Variants in CEP104 observed in about 807,000 individuals in gnomAD.
CEP104 encodes centrosomal protein 104, also known as centrosomal protein of 104 kDa.
A neutral mutation model predicts 113.3 loss-of-function variants in CEP104; 84 were observed. The observed-to-expected ratio is 0.74, with a 90% CI of 0.62 to 0.89. The LOEUF (loss-of-function observed/expected upper bound fraction) is 0.89, where lower values mean the gene tolerates loss of function less well. Among genes scored for constraint, CEP104 ranks in the 40% least tolerant of loss-of-function variants. The pLI is 0.00. For synonymous variants in CEP104, 378 were observed against 421.7 expected (o/e 0.90, Z 1.27); for missense variants, 1,053 against 1,156.6 (o/e 0.91, Z 1.30).
intron 15 of CEP104, 88 bp from the exon 16 acceptor site, chr1:3,826,832 G>A (rs1455559904): frequency 7.4e-7 from 1 of 1,352,146 alleles, no homozygotes; most frequent in Non-Finnish European, 1.1e-6. Flanking sequence ...CATCACGAAA[G>A]CACATTTCTG....
intron 13 of CEP104, among the ~76,000 whole-genome samples, chr1:3,830,771 C>T (rs1487376720): frequency 1.4e-5 from 1 of 72,888 alleles, no homozygotes; most frequent in Non-Finnish European, 2.9e-5. Context: ...AACGAGACTC[C>T]ATCTCAAAAA....
At chr1:3,837,981 T>C (rs1330393207) in intron 8 of CEP104, among the ~76,000 whole-genome samples, 1 of 152,360 alleles carries the variant, frequency 6.6e-6, no homozygotes, top group East Asian at 1.9e-4. Flanking sequence ...TGCTGCACAC[T>C]AGGCATGGTA....
At chr1:3,842,369 C>T (rs1432160687) in intron 6 of CEP104, among the ~76,000 whole-genome samples, 2 of 152,214 alleles carry the variant, frequency 1.3e-5, no homozygotes, top group East Asian at 1.9e-4. Flanking sequence ...CGTGAGCCAC[C>T]GCGCCCGGCC....
intron 17 of CEP104, 76 bp from the exon 18 acceptor site, chr1:3,825,942 G>A: frequency 1.0e-6 from 1 of 997,068 alleles, no homozygotes; most frequent in Non-Finnish European, 1.6e-6. Context: ...CACGTCACGA[G>A]GAAATTCTGA....
intron 18 of CEP104, among the ~76,000 whole-genome samples, chr1:3,825,098 G>GGAGGCAGTGGCACTGTGGGAA (rs1644064036): frequency 1.9e-5 from 1 of 52,628 alleles, no homozygotes; most frequent in Admixed American, 1.5e-4. Flanking sequence ...ACTGTGGGAA[G>GGAGGCAGTGGCACTGTGGGAA]GGGGGCAGTG....
intron 6 of CEP104, among the ~76,000 whole-genome samples, chr1:3,842,893 T>C (rs943674948): frequency 3.9e-5 from 6 of 152,054 alleles, no homozygotes; most frequent in South Asian, 2.1e-4. Context: ...GTTCAAGGGA[T>C]TCTCCTGCCT....
In CEP104 at chr1:3,816,321, C is replaced by A; in HGVS notation, c.2621G>T (p.Arg874Leu). ...MGPAGCTMNL[R>L]KTHILQKAPA... Reference sequence around the variant, plus strand: ...GGCCTTCTGCAGAATGTGTGTCTTGCGCAGGTTCATCGTGCAGCCGGCTGG... The same window carrying A: ...GGCCTTCTGCAGAATGTGTGTCTTGAGCAGGTTCATCGTGCAGCCGGCTGG... Residue 874 changes from arginine (R) to leucine (L), a missense_variant, in exon 21 of 22, where the codon CGC (arginine) becomes CTC (leucine). Coordinates refer to ENST00000378230, the MANE Select transcript of CEP104 (RefSeq NM_014704.4). 2 of 1,553,668 alleles carry A rather than the reference C, an allele frequency of 1.3e-6. No individual in the cohort carries two copies. The highest frequency in any genetic ancestry group is 1.7e-6 in the Non-Finnish European group (2 of 1,148,056).
chr1:3,855,251 A>C (rs1644692778), intron 1 of CEP104, among the ~76,000 whole-genome samples: 1 of 147,338 alleles, frequency 6.8e-6, no homozygotes, highest in South Asian at 2.1e-4. Context: ...GCGTGATCAT[A>C]GCTCACTGTA....
At position 3,819,711 on chromosome 1, in the gene CEP104, A is replaced by C. The variant is rs1038296175; in HGVS notation, c.2572-3341T>G. ...AGAAGATTGAGCAGTCTTCACACTCACGAGCCTGCAGGCAGGAGAGAAGGG... is the reference window on the plus strand; with the variant it reads ...AGAAGATTGAGCAGTCTTCACACTCCCGAGCCTGCAGGCAGGAGAGAAGGG... On this transcript the variant is annotated intron_variant, in intron 20 of 21. Transcript: ENST00000378230. The surrounding 1 kb of genome is among the most constrained non-coding windows in gnomAD (Gnocchi z 4.6). Among the ~76,000 whole-genome samples the C allele has an allele frequency of 6.6e-6, 1 of 152,210 alleles. No homozygotes were observed. Among genetic ancestry groups the C allele is most frequent in the African/African-American group, 2.4e-5 (1 of 41,452 alleles).
intron 10 of CEP104, among the ~76,000 whole-genome samples, chr1:3,835,713 A>G (rs374073437): frequency 6.6e-6 from 1 of 152,188 alleles, no homozygotes; most frequent in Non-Finnish European, 1.5e-5. Flanking sequence ...ATCTTTTGCT[A>G]TGCCATCCTT....
rs190726122 is a variant in CEP104 at position 3,832,835 on chromosome 1, C to A, written c.1659+1027G>T. Among the ~76,000 whole-genome samples the A allele has an allele frequency of 6.6e-4, 101 of 152,218 alleles. 2 individuals carry two copies. Among genetic ancestry groups the A allele is most frequent in the African/African-American group, 2.0e-3 (83 of 41,538 alleles). ...AGCTGGGACTACAGGGGTGTATCAGCATGCCCGGCTAATTTTTGTATTTTT... is the reference window on the plus strand; with the variant it reads ...AGCTGGGACTACAGGGGTGTATCAGAATGCCCGGCTAATTTTTGTATTTTT... On this transcript the variant is annotated intron_variant, in intron 12 of 21. Transcript: ENST00000378230.
intron 20 of CEP104, among the ~76,000 whole-genome samples, chr1:3,816,776 C>T (rs1292194328): frequency 3.3e-5 from 5 of 152,274 alleles, no homozygotes; most frequent in East Asian, 1.9e-4. Flanking sequence ...CTGCTGCCCA[C>T]GGTTCCTCGT....
At chr1:3,839,463 C>T (rs943881435) in intron 7 of CEP104, 145 bp downstream of exon 7, 47 of 762,610 alleles carry the variant, frequency 6.2e-5, no homozygotes, top group Non-Finnish European at 8.5e-5. Context: ...TATCTGTCTC[C>T]GTAACTTTAT....
In CEP104 at chr1:3,812,425, T is replaced by C. The variant is rs1227776864; in HGVS notation, c.*2977A>G. The C allele has an allele frequency of 6.6e-6, 1 of 152,236 alleles. No homozygotes were observed. Among genetic ancestry groups the C allele is most frequent in the Non-Finnish European group, 1.5e-5 (1 of 68,050 alleles). 9.4% of individuals were successfully genotyped at this position (152,236 alleles called of 1,614,324 possible). A position where few individuals can be genotyped will look rare whatever the true frequency, so the allele number is the denominator to read the frequency against. ...CCTAATTTAGATATTTATTTATGAATGACCAAGGGATTTTACAGTTCCTTT... is the reference window on the plus strand; with the variant it reads ...CCTAATTTAGATATTTATTTATGAACGACCAAGGGATTTTACAGTTCCTTT... On this transcript the variant is annotated 3_prime_UTR_variant, in exon 22 of 22. Coordinates refer to ENST00000378230, the MANE Select transcript of CEP104 (RefSeq NM_014704.4).
Position 3,823,927 on chromosome 1 carries a change from C to T in CEP104, c.2365-365G>A, listed in dbSNP as rs1244594564. On this transcript the variant is annotated intron_variant, in intron 18 of 21. Transcript: ENST00000378230. The surrounding 1 kb of genome is among the most constrained non-coding windows in gnomAD (Gnocchi z 4.1). ...GCTCCCCACTATTTCTAAGAATGCA[C>T]ACAGAAACAGGACCACAGAAAAGAA... Among the ~76,000 whole-genome samples, 1 of 152,198 alleles carries T rather than the reference C, an allele frequency of 6.6e-6. No homozygotes were observed. Among genetic ancestry groups the T allele is most frequent in the African/African-American group, 2.4e-5 (1 of 41,440 alleles).
Position 3,852,287 on chromosome 1 carries a change from G to T in CEP104, c.113+8C>A, listed in dbSNP as rs760646241. On this transcript the variant is annotated splice_region_variant and intron_variant, in intron 2 of 21. Transcript: ENST00000378230. Reference sequence around the variant, plus strand: ...CCCAGCCCAAGCCCCGCCCCGTCCAGTCCTCACCTAGGTGACCGCCACCCA... The same window carrying T: ...CCCAGCCCAAGCCCCGCCCCGTCCATTCCTCACCTAGGTGACCGCCACCCA... 6.2e-7 allele frequency: 1 copy of T among 1,612,704 alleles called. No homozygotes were observed. Among genetic ancestry groups the T allele is most frequent in the South Asian group, 1.1e-5 (1 of 91,016 alleles).
At chr1:3,824,244 G>A (rs1029709393) in intron 18 of CEP104, among the ~76,000 whole-genome samples, 6 of 152,012 alleles carry the variant, frequency 3.9e-5, no homozygotes, top group African/African-American at 1.2e-4. Flanking sequence ...ACACCACCAC[G>A]CCTGGCTAAT....
At position 3,831,054 on chromosome 1, in the gene CEP104, C is replaced by A; in HGVS notation, c.1828G>T (p.Val610Leu). The A allele has an allele frequency of 1.9e-6, 3 of 1,613,450 alleles. 1 individual carries two copies. In the South Asian group the frequency reaches 3.3e-5, roughly 18 times the overall value. ...TGSSGFTIDN[V>L]MKFSVSALEH... is the part of the protein sequence containing the mutation. ...ACGCGAGGTCTGCTTACCTTCATCA[C>A]GTTGTCAATGGTGAAGCCCGAGCTG... The change falls in exon 13 of 22, where the codon GTG becomes TTG. Residue 610 changes from valine (V) to leucine (L), a missense_variant. Physicochemically the swap from Val to Leu is conservative, Grantham distance 32 (BLOSUM62 1). Coordinates refer to ENST00000378230, the MANE Select transcript of CEP104 (RefSeq NM_014704.4).
At chr1:3,853,235 G>T (rs1378497475) in intron 1 of CEP104, among the ~76,000 whole-genome samples, 1 of 152,186 alleles carries the variant, frequency 6.6e-6, no homozygotes, top group Non-Finnish European at 1.5e-5. Context: ...GAGCAGGAAT[G>T]ACAGGCAGGC....
Sources: allele counts gnomAD v4.1 joint callset (sites outside exome capture counted in the v4.1 genomes callset), GRCh38; gene constraint gnomAD v4.1.1; non-coding constraint Gnocchi (gnomAD v3.1); transcripts MANE v1.5; gene names NCBI Gene and HGNC (gene_info 2026-07-23, HGNC 2026-07-21).